Variants in TRAF3IP2 observed in about 807,000 individuals in gnomAD.
The protein encoded by TRAF3IP2 is TRAF3 interacting protein 2.
A neutral mutation model predicts 57.9 loss-of-function variants in TRAF3IP2; 35 were observed. The ratio of observed to expected loss-of-function variants is 0.60; its 90% confidence interval spans 0.46 to 0.80. The LOEUF is 0.80. Among genes scored for constraint, TRAF3IP2 ranks in the 30% least tolerant of loss-of-function variants. The pLI is 0.00. For missense variants in TRAF3IP2, 556 were observed against 706.4 expected, an observed-to-expected ratio of 0.79 and a Z score of 2.41; for synonymous variants, 251 against 268.9, an observed-to-expected ratio of 0.93 and a Z score of 0.65.
chr6:111,560,944 G>A (rs943360973), intron 8 of TRAF3IP2, among the ~76,000 whole-genome samples: 2 of 152,204 alleles, frequency 1.3e-5, no homozygotes, highest in African/African-American at 4.8e-5. Context: ...GCACTGGGGA[G>A]GCTGAGGAGA....
chr6:111,576,327 A>G (rs966088044), intron 3 of TRAF3IP2: 1 of 152,716 alleles, frequency 6.5e-6, no homozygotes, highest in African/African-American at 2.4e-5. Context: ...AGTTGCTACC[A>G]TATTAGATAG....
At chr6:111,578,102 A>G (rs906535026) in intron 3 of TRAF3IP2, among the ~76,000 whole-genome samples, 1 of 152,192 alleles carries the variant, frequency 6.6e-6, no homozygotes, top group Non-Finnish European at 1.5e-5. Context: ...ATGCTATAAA[A>G]CCAATTACTC....
chr6:111,592,452 T>G (rs1796552772), intron 1 of TRAF3IP2, among the ~76,000 whole-genome samples: 1 of 152,200 alleles, frequency 6.6e-6, no homozygotes, highest in African/African-American at 2.4e-5. Context: ...CATGAAGAAA[T>G]AAATCTTAGT....
In TRAF3IP2 at chr6:111,595,618, A is replaced by C. The variant is rs374006625; in HGVS notation, c.-8-3524T>G. Among the ~76,000 whole-genome samples the C allele has an allele frequency of 1.2e-4, 19 of 152,262 alleles. No individual in the cohort carries two copies. The South Asian group carries it at 3.5e-3, about 28-fold the overall frequency. Reference sequence around the variant, plus strand: ...GCCAAGGCGGGCAGATCGCAAAGTCAGGAGTTCGAGACCAGCCTGGCCAAC... The same window carrying C: ...GCCAAGGCGGGCAGATCGCAAAGTCCGGAGTTCGAGACCAGCCTGGCCAAC... On this transcript the variant is annotated intron_variant, in intron 1 of 8. Coordinates refer to ENST00000368761, the MANE Select transcript of TRAF3IP2 (RefSeq NM_147686.4).
At chr6:111,577,954 C>T (rs910433848) in intron 3 of TRAF3IP2, among the ~76,000 whole-genome samples, 8 of 152,014 alleles carry the variant, frequency 5.3e-5, no homozygotes, top group Non-Finnish European at 1.0e-4. Flanking sequence ...CTCAAACAAT[C>T]CACCCACCTC....
chr6:111,597,433 G>T (rs1796725911), intron 1 of TRAF3IP2, among the ~76,000 whole-genome samples: 1 of 152,138 alleles, frequency 6.6e-6, no homozygotes, highest in African/African-American at 2.4e-5. Context: ...GCCCCCTCCA[G>T]CCCCAGACCC....
intron 2 of TRAF3IP2, among the ~76,000 whole-genome samples, chr6:111,584,707 A>G (rs1796275978): frequency 1.5e-5 from 1 of 66,740 alleles, no homozygotes; most frequent in Non-Finnish European, 4.2e-5. Context: ...GTAAATGACC[A>G]TCATTTCACT....
Position 111,556,433 on chromosome 6 carries a change from A to G in TRAF3IP2, c.*2972T>C, listed in dbSNP as rs1795243646. ...TCACATTGCTAAGTCTTTGCAAACT[A>G]GAAACATTTCAGAGTAATTGCTGAT... On this transcript the variant is annotated 3_prime_UTR_variant, in exon 9 of 9. Coordinates refer to ENST00000368761, the MANE Select transcript of TRAF3IP2 (RefSeq NM_147686.4). The G allele has an allele frequency of 6.6e-6, 1 of 152,220 alleles. No homozygotes were observed. Among genetic ancestry groups the G allele is most frequent in the Admixed American group, 6.5e-5 (1 of 15,282 alleles). 9.4% of individuals were successfully genotyped at this position (152,220 alleles called of 1,614,324 possible). A position where few individuals can be genotyped will look rare whatever the true frequency, so the allele number is the denominator to read the frequency against.
intron 3 of TRAF3IP2, among the ~76,000 whole-genome samples, chr6:111,579,127 G>A (rs1314241597): frequency 6.6e-6 from 1 of 151,238 alleles, no homozygotes; most frequent in Non-Finnish European, 1.5e-5. Context: ...TCATGAGTTC[G>A]AGACTAGCCT....
chr6:111,598,843 A>G (rs1796774249), intron 1 of TRAF3IP2, among the ~76,000 whole-genome samples: 1 of 152,222 alleles, frequency 6.6e-6, no homozygotes, highest in Admixed American at 6.5e-5. Context: ...TGAGGAACTC[A>G]TGACACCGCC....
In TRAF3IP2 at chr6:111,575,695, G is replaced by A. The variant is rs1795962272; in HGVS notation, c.1149C>T (p.Ser383=). The A allele has an allele frequency of 1.2e-6, 2 of 1,613,494 alleles. No individual in the cohort carries two copies. Among genetic ancestry groups the A allele is most frequent in the Non-Finnish European group, 1.7e-6 (2 of 1,179,846 alleles). ...TTAGAGTTCCTCTGGCTGGAGGGTTGCTAGGGGGTCTAGGCACAGCAGCTG... is the reference window on the plus strand; with the variant it reads ...TTAGAGTTCCTCTGGCTGGAGGGTTACTAGGGGGTCTAGGCACAGCAGCTG... ...PSPAAVPRPP[S]NPPARGTLKT... The change falls in exon 4 of 9, where the codon AGC becomes AGT. Residue 383 remains serine, a synonymous_variant. Transcript: ENST00000368761.
chr6:111,590,074 A>G (rs1215366822), intron 2 of TRAF3IP2, among the ~76,000 whole-genome samples: 4 of 152,198 alleles, frequency 2.6e-5, no homozygotes, highest in Admixed American at 1.3e-4. Context: ...TTTAACATCA[A>G]GAATGGTAGT....
chr6:111,591,161 T>C lies in TRAF3IP2; in HGVS notation c.829+97A>G. ...AGAATGCCCTCCCTGCATTCTGACC[T>C]GTTCATGCCAGCCTAGTGACACGAA... is the stretch of plus-strand genomic sequence containing the variant. On this transcript the variant is annotated intron_variant, in intron 2 of 8. Coordinates refer to ENST00000368761, the MANE Select transcript of TRAF3IP2 (RefSeq NM_147686.4). This position sits in a 1 kb window ranked among gnomAD's most constrained non-coding sequence, Gnocchi z 4.9. 1 of 979,198 alleles carries C rather than the reference T, an allele frequency of 1.0e-6. No individual in the cohort carries two copies. Among genetic ancestry groups the C allele is most frequent in the South Asian group, 3.1e-5 (1 of 32,400 alleles). The allele number at this position is 979,198 out of a possible 1,614,324, so 60.7% of individuals were successfully genotyped here.
At chr6:111,593,040 A>T (rs1423377586) in intron 1 of TRAF3IP2, among the ~76,000 whole-genome samples, 1 of 152,174 alleles carries the variant, frequency 6.6e-6, no homozygotes, top group Non-Finnish European at 1.5e-5. Flanking sequence ...GAGAAAGAAA[A>T]CCAGTCTCCT....
At chr6:111,601,200 A>C in intron 1 of TRAF3IP2, 1 of 779,490 alleles carries the variant, frequency 1.3e-6, no homozygotes. Flanking sequence ...ATTCACCTTG[A>C]AGCTGAGGAG....
chr6:111,566,400 A>ATCCCCAGG (rs749137123), intron 7 of TRAF3IP2, 44 bp downstream of exon 7: 1 of 1,459,932 alleles, frequency 6.8e-7, no homozygotes, highest in East Asian at 2.3e-5. Flanking sequence ...CAAGGTATCC[A>ATCCCCAGG]TCCCCAGGGG....
intron 1 of TRAF3IP2, chr6:111,601,021 G>A: frequency 1.9e-6 from 1 of 528,488 alleles, no homozygotes; most frequent in Non-Finnish European, 3.5e-6. Context: ...TGGCTATTAA[G>A]TAGCAGAGCT....
Position 111,595,965 on chromosome 6 carries a change from C to T in TRAF3IP2, c.-8-3871G>A, listed in dbSNP as rs148984661. Among the ~76,000 whole-genome samples, 47 of 152,264 alleles carry T rather than the reference C, an allele frequency of 3.1e-4. No individual in the cohort carries two copies. The East Asian group carries it at 5.6e-3, about 18-fold the overall frequency. On this transcript the variant is annotated intron_variant, in intron 1 of 8. Coordinates refer to ENST00000368761, the MANE Select transcript of TRAF3IP2 (RefSeq NM_147686.4). ...AACTAAGTAACATGCAGAAAACCCA[C>T]GACCGGCGTCCCAGGGCCTTCGTGC...
chr6:111,561,635 GC>G (rs1795445555), intron 8 of TRAF3IP2, among the ~76,000 whole-genome samples: 2 of 152,142 alleles, frequency 1.3e-5, no homozygotes, highest in Non-Finnish European at 2.9e-5. Flanking sequence ...AGAGCACACA[GC>G]ATCTACAGAG....
Sources: gnomAD v4.1 joint callset for allele counts (sites outside exome capture counted in the v4.1 genomes callset) on GRCh38, gnomAD v4.1.1 for gene constraint, Gnocchi (gnomAD v3.1) non-coding constraint, MANE v1.5 for transcripts, NCBI Gene and HGNC (gene_info 2026-07-23, HGNC 2026-07-21) for gene names.